ZHX2: variants seen among roughly 807,000 people sequenced by gnomAD.
ZHX2 encodes zinc fingers and homeoboxes protein 2.
A neutral mutation model predicts 21.9 loss-of-function variants in ZHX2; 6 were observed. The ratio of observed to expected loss-of-function variants is 0.27; its 90% confidence interval spans 0.15 to 0.54. The LOEUF (loss-of-function observed/expected upper bound fraction) is 0.54, where lower values mean the gene tolerates loss of function less well. ZHX2 is among the 20% of genes least tolerant of loss of function. ZHX2 has a pLI of 0.95. For synonymous variants in ZHX2, 434 were observed against 437.1 expected (o/e 0.99, Z 0.09); for missense variants, 908 against 1,090.7 (o/e 0.83, Z 2.36).
intron 1 of ZHX2, among the ~76,000 whole-genome samples, chr8:122,817,746 AT>A (rs1818065080): frequency 6.6e-6 from 1 of 152,160 alleles, no homozygotes; most frequent in Admixed American, 6.5e-5. Context: ...TTGGACACCC[AT>A]TATCCTACAA....
chr8:122,971,119 G>C (rs1238258785), intron 3 of ZHX2, among the ~76,000 whole-genome samples: 2 of 152,170 alleles, frequency 1.3e-5, no homozygotes, highest in Non-Finnish European at 2.9e-5. Context: ...TCACCTGCCA[G>C]TCACTGTAAG....
chr8:122,911,855 T>C lies in ZHX2; in HGVS notation c.-219-39437T>C, dbSNP rs530700759. Among the ~76,000 whole-genome samples, 33 of 152,086 alleles carry C rather than the reference T, an allele frequency of 2.2e-4. 2 individuals are homozygous for C. In the South Asian group the frequency reaches 6.6e-3, roughly 31 times the overall value. On this transcript the variant is annotated intron_variant, in intron 2 of 3. Coordinates refer to ENST00000314393, the MANE Select transcript of ZHX2 (RefSeq NM_014943.5). Reference sequence around the variant, plus strand: ...TACATTTCAGCTGACTCCTGAGAGATGAGAGGGGTTGCAGGTAAGCTTTGG... The same window carrying C: ...TACATTTCAGCTGACTCCTGAGAGACGAGAGGGGTTGCAGGTAAGCTTTGG...
At chr8:122,801,987 C>A (rs534623440) in intron 1 of ZHX2, among the ~76,000 whole-genome samples, 1 of 152,176 alleles carries the variant, frequency 6.6e-6, no homozygotes, top group Non-Finnish European at 1.5e-5. Flanking sequence ...CGGCTGCTGA[C>A]TTTGGGTGGG....
At chr8:122,857,318 C>A in intron 1 of ZHX2, among the ~76,000 whole-genome samples, 1 of 145,756 alleles carries the variant, frequency 6.9e-6, no homozygotes. Context: ...CATCAGTGAG[C>A]AAAATAGATG....
intron 1 of ZHX2, among the ~76,000 whole-genome samples, chr8:122,821,428 C>A (rs1220997952): frequency 6.6e-6 from 1 of 152,040 alleles, no homozygotes; most frequent in Non-Finnish European, 1.5e-5. Flanking sequence ...CTTTGGCTTC[C>A]ATAGCAATGA....
At chr8:122,862,837 C>T (rs1159382446) in intron 1 of ZHX2, among the ~76,000 whole-genome samples, 1 of 152,164 alleles carries the variant, frequency 6.6e-6, no homozygotes, top group African/African-American at 2.4e-5. Context: ...TGCACATGTG[C>T]GCCGCAGGTG....
chr8:122,805,865 A>G (rs547586682), intron 1 of ZHX2, among the ~76,000 whole-genome samples: 2 of 152,130 alleles, frequency 1.3e-5, no homozygotes, highest in East Asian at 3.9e-4. Flanking sequence ...AACTGCTTGT[A>G]GGTCCTGGAA....
intron 2 of ZHX2, among the ~76,000 whole-genome samples, chr8:122,896,044 A>G (rs1315027441): frequency 6.6e-6 from 1 of 152,036 alleles, no homozygotes; most frequent in South Asian, 2.1e-4. Flanking sequence ...TGCTGACAGG[A>G]GGGGCTGATG....
intron 3 of ZHX2, among the ~76,000 whole-genome samples, chr8:122,962,965 G>A (rs1396663267): frequency 1.3e-5 from 2 of 151,846 alleles, no homozygotes; most frequent in African/African-American, 4.8e-5. Context: ...CCCACTTTAT[G>A]CGGGATTGTT....
chr8:122,941,761 G>A (rs906398545), intron 2 of ZHX2, among the ~76,000 whole-genome samples: 3 of 152,138 alleles, frequency 2.0e-5, no homozygotes, highest in African/African-American at 4.8e-5. Context: ...GCCAAGTGAT[G>A]TCTTGATTCC....
intron 1 of ZHX2, among the ~76,000 whole-genome samples, chr8:122,810,080 A>G (rs1372535876): frequency 6.6e-6 from 1 of 152,160 alleles, no homozygotes; most frequent in African/African-American, 2.4e-5. Context: ...CTCTTAAGAA[A>G]TCATGTAAAT....
In ZHX2 at chr8:122,952,164, G is replaced by A. The variant is rs35865254; in HGVS notation, c.654G>A (p.Leu218=). ...ACCACGTGGAAGGGACCGCCCGCCT[G>A]GTGACAGACACAGCTGAGATCCTCT... The part of the protein sequence containing the change: ...PENHVEGTAR[L]VTDTAEILSR... The change falls in exon 3 of 4, where the codon CTG becomes CTA. Residue 218 remains leucine, a synonymous_variant. Coordinates refer to ENST00000314393, the MANE Select transcript of ZHX2 (RefSeq NM_014943.5). This position sits in a 1 kb window ranked among gnomAD's most constrained non-coding sequence, Gnocchi z 6.9. 37 of 1,612,940 alleles carry A rather than the reference G, an allele frequency of 2.3e-5. No individual in the cohort carries two copies. In the African/African-American group the frequency reaches 4.4e-4, roughly 19 times the overall value.
chr8:122,842,164 C>T (rs1436179471), intron 1 of ZHX2, among the ~76,000 whole-genome samples: 3 of 152,218 alleles, frequency 2.0e-5, no homozygotes, highest in Non-Finnish European at 4.4e-5. Context: ...AGTCATGTCT[C>T]TTTATGTGGG....
intron 1 of ZHX2, among the ~76,000 whole-genome samples, chr8:122,833,907 G>C (rs1323626277): frequency 2.6e-5 from 4 of 152,034 alleles, no homozygotes; most frequent in Non-Finnish European, 5.9e-5. Flanking sequence ...TGAGGCAGGA[G>C]AATGGCGTGA....
intron 2 of ZHX2, among the ~76,000 whole-genome samples, chr8:122,907,666 T>C (rs1820380760): frequency 6.6e-6 from 1 of 152,226 alleles, no homozygotes; most frequent in African/African-American, 2.4e-5. Context: ...AAGTCAGTGC[T>C]GCCCTAGCCT....
rs551852559 is a variant in ZHX2, at chr8:122,924,224, G to C, written c.-219-27068G>C. ...CGTGCTCCCTCTGAAGCCTCTAGGGGAAGATCTGTTCCAGACCCATCTCCT... is the reference window on the plus strand; with the variant it reads ...CGTGCTCCCTCTGAAGCCTCTAGGGCAAGATCTGTTCCAGACCCATCTCCT... On this transcript the variant is annotated intron_variant, in intron 2 of 3. Coordinates refer to ENST00000314393, the MANE Select transcript of ZHX2 (RefSeq NM_014943.5). Among the ~76,000 whole-genome samples, 211 of 152,256 alleles carry C rather than the reference G, an allele frequency of 1.4e-3. 1 individual carries two copies. The highest frequency in any genetic ancestry group is 6.8e-3 in the Middle Eastern group (2 of 294).
Position 122,782,818 on chromosome 8 carries a change from G to GC in ZHX2, c.-283+878dup, listed in dbSNP as rs1817319565. Reference sequence around the variant, plus strand: ...CCTCTGCCAGCCCGAGCCCACGTTCGCCCCCCTGAACGGCAGCTGGCGCTT... The same window carrying GC: ...CCTCTGCCAGCCCGAGCCCACGTTCGCCCCCCCTGAACGGCAGCTGGCGCTT... On this transcript the variant is annotated intron_variant, in intron 1 of 3. Coordinates refer to ENST00000314393, the MANE Select transcript of ZHX2 (RefSeq NM_014943.5). The surrounding 1 kb of genome is among the most constrained non-coding windows in gnomAD (Gnocchi z 5.3). Among the ~76,000 whole-genome samples the GC allele has an allele frequency of 6.6e-6, 1 of 152,178 alleles. No homozygotes were observed. The highest frequency in any genetic ancestry group is 1.5e-5 in the Non-Finnish European group (1 of 68,018).
chr8:122,874,243 C>A (rs1230660541), intron 2 of ZHX2, among the ~76,000 whole-genome samples: 1 of 152,142 alleles, frequency 6.6e-6, no homozygotes, highest in East Asian at 1.9e-4. Context: ...GCACAGGCAT[C>A]TTTGGGGGTC....
intron 1 of ZHX2, chr8:122,808,804 A>G (rs1056436318): frequency 1.3e-5 from 2 of 152,244 alleles, no homozygotes; most frequent in African/African-American, 4.8e-5. Flanking sequence ...CAAAAATAGT[A>G]AGTGAATGCC....
Sources: gnomAD v4.1 joint callset for allele counts (sites outside exome capture counted in the v4.1 genomes callset) on GRCh38, gnomAD v4.1.1 for gene constraint, Gnocchi (gnomAD v3.1) non-coding constraint, MANE v1.5 for transcripts, NCBI Gene and HGNC (gene_info 2026-07-23, HGNC 2026-07-21) for gene names.